SGCZ: variants seen among roughly 807,000 people sequenced by gnomAD.
SGCZ encodes the protein sarcoglycan zeta.
In SGCZ, 40 loss-of-function variants were observed where a neutral mutation model predicts 41.3. That is an observed-to-expected ratio of 0.97 (90% CI 0.75 to 1.26). The LOEUF is 1.26. SGCZ is among the 50% of genes most tolerant of loss of function. The pLI, the probability that SGCZ is intolerant of heterozygous loss-of-function variation, is 0.00. For synonymous variants in SGCZ, 206 were observed against 137.5 expected, an observed-to-expected ratio of 1.50 and a Z score of -3.49; for missense variants, 552 against 369.8, an observed-to-expected ratio of 1.49 and a Z score of -4.04.
At chr8:14,209,382 C>T (rs947124097) in intron 4 of SGCZ, among the ~76,000 whole-genome samples, 3 of 151,814 alleles carry the variant, frequency 2.0e-5, no homozygotes, top group Non-Finnish European at 2.9e-5. Flanking sequence ...AAACTCACTC[C>T]TTGTGTGTGT....
chr8:14,387,875 T>G (rs1451371806), intron 2 of SGCZ, among the ~76,000 whole-genome samples: 2 of 151,998 alleles, frequency 1.3e-5, no homozygotes, highest in Non-Finnish European at 2.9e-5. Flanking sequence ...AAATAATAAA[T>G]GTATCAAAAC....
At chr8:14,627,978 A>G (rs991818858) in intron 1 of SGCZ, among the ~76,000 whole-genome samples, 5 of 152,058 alleles carry the variant, frequency 3.3e-5, no homozygotes, top group African/African-American at 4.8e-5. Flanking sequence ...AGAATCTTTG[A>G]TATTAGACCC....
intron 1 of SGCZ, among the ~76,000 whole-genome samples, chr8:15,105,835 T>C (rs1296497428): frequency 1.3e-5 from 2 of 152,178 alleles, no homozygotes; most frequent in Non-Finnish European, 2.9e-5. Flanking sequence ...TTTTTTCAAA[T>C]CCTTTTGAAA....
intron 2 of SGCZ, among the ~76,000 whole-genome samples, chr8:14,389,023 T>G (rs887236280): frequency 2.0e-5 from 3 of 151,950 alleles, no homozygotes; most frequent in Non-Finnish European, 4.4e-5. Flanking sequence ...AAAGACACTA[T>G]GAGATATAAA....
At chr8:14,714,643 A>T (rs1171903065) in intron 1 of SGCZ, among the ~76,000 whole-genome samples, 3 of 152,228 alleles carry the variant, frequency 2.0e-5, no homozygotes, top group African/African-American at 7.2e-5. Flanking sequence ...AGATGATTAA[A>T]GAAAATTTAA....
chr8:14,822,456 C>T (rs371613568), intron 1 of SGCZ, among the ~76,000 whole-genome samples: 11 of 152,120 alleles, frequency 7.2e-5, no homozygotes, highest in African/African-American at 2.4e-4. Context: ...CAAAATACAA[C>T]TGACATTATT....
At chr8:14,213,795 T>C (rs1268745793) in intron 4 of SGCZ, among the ~76,000 whole-genome samples, 5 of 152,080 alleles carry the variant, frequency 3.3e-5, no homozygotes, top group Non-Finnish European at 5.9e-5. Flanking sequence ...ATGTAAAAGA[T>C]CATGGGACCT....
At chr8:14,992,649 C>A (rs1802058795) in intron 1 of SGCZ, among the ~76,000 whole-genome samples, 1 of 148,040 alleles carries the variant, frequency 6.8e-6, no homozygotes, top group Non-Finnish European at 1.5e-5. Flanking sequence ...CCCACCCATC[C>A]TCCTCGTTCA....
intron 2 of SGCZ, among the ~76,000 whole-genome samples, chr8:14,533,327 C>G (rs1456554390): frequency 6.7e-6 from 1 of 148,578 alleles, no homozygotes; most frequent in Non-Finnish European, 1.5e-5. Flanking sequence ...TTTGTATTAG[C>G]AACACTAAAA....
intron 1 of SGCZ, among the ~76,000 whole-genome samples, chr8:15,194,555 T>C (rs548601443): frequency 6.6e-6 from 1 of 151,938 alleles, no homozygotes; most frequent in Non-Finnish European, 1.5e-5. Flanking sequence ...ATTACCCAAG[T>C]GGGCCAATGG....
chr8:15,230,674 T>C (rs931979183), intron 1 of SGCZ, among the ~76,000 whole-genome samples: 1 of 152,218 alleles, frequency 6.6e-6, no homozygotes, highest in African/African-American at 2.4e-5. Context: ...GTGAGGTTTT[T>C]ACCTTCCATT....
intron 1 of SGCZ, among the ~76,000 whole-genome samples, chr8:14,718,138 A>T (rs974660057): frequency 6.6e-6 from 1 of 151,748 alleles, no homozygotes; most frequent in Non-Finnish European, 1.5e-5. Context: ...TTTTTATATT[A>T]TTGAAATACA....
chr8:14,521,441 C>A (rs959941426), intron 2 of SGCZ, among the ~76,000 whole-genome samples: 27 of 152,150 alleles, frequency 1.8e-4, no homozygotes, highest in African/African-American at 6.0e-4. Flanking sequence ...TGTAACAAAC[C>A]TGCACTTGTA....
Position 14,326,122 on chromosome 8 carries a change from A to AAAAAAAAAAAAAAG in SGCZ, c.235-1919_235-1918insCTTTTTTTTTTTTT, listed in dbSNP as rs1473183919. On this transcript the variant is annotated intron_variant, in intron 2 of 7. Transcript: ENST00000382080. ...GTGAGACTCCGTCTCAAAAAAAAAA[A>AAAAAAAAAAAAAAG]AAAAAAAAGATGAGGACGTGTCAAG... Among the ~76,000 whole-genome samples, 11 of 147,308 alleles carry AAAAAAAAAAAAAAG rather than the reference A, an allele frequency of 7.5e-5. 2 individuals are homozygous for AAAAAAAAAAAAAAG.
chr8:14,185,602 C>T (rs1183423793), intron 4 of SGCZ, among the ~76,000 whole-genome samples: 2 of 152,120 alleles, frequency 1.3e-5, no homozygotes, highest in Non-Finnish European at 2.9e-5. Context: ...AAGCTCCTCT[C>T]ATAGTACTTT....
chr8:14,424,611 C>T (rs569661872), intron 2 of SGCZ, among the ~76,000 whole-genome samples: 2 of 143,124 alleles, frequency 1.4e-5, no homozygotes, highest in East Asian at 3.9e-4. Flanking sequence ...TTTTACTTAA[C>T]AGCTTTTGTT....
chr8:14,679,488 A>AAT (rs1312804771), intron 1 of SGCZ, among the ~76,000 whole-genome samples: 2 of 143,756 alleles, frequency 1.4e-5, no homozygotes, highest in Non-Finnish European at 3.1e-5. Flanking sequence ...TCAAAAAAGT[A>AAT]ATATATATAC....
At chr8:14,840,571 G>C (rs1032924571) in intron 1 of SGCZ, among the ~76,000 whole-genome samples, 1 of 152,040 alleles carries the variant, frequency 6.6e-6, no homozygotes, top group African/African-American at 2.4e-5. Flanking sequence ...AATGGAGGGG[G>C]AAATCAGAAT....
chr8:14,275,101 C>T (rs1037185576), intron 3 of SGCZ, among the ~76,000 whole-genome samples: 3 of 152,152 alleles, frequency 2.0e-5, no homozygotes, highest in Non-Finnish European at 4.4e-5. Context: ...ACACAAGGTG[C>T]TGAAAACATG....
Sources: allele counts gnomAD v4.1 joint callset (sites outside exome capture counted in the v4.1 genomes callset), GRCh38; gene constraint gnomAD v4.1.1; transcripts MANE v1.5; gene names NCBI Gene and HGNC (gene_info 2026-07-23, HGNC 2026-07-21).